Variants in DBX1 observed in about 807,000 individuals in gnomAD.
The protein encoded by DBX1 is developing brain homeobox 1, also known as homeobox protein DBX1.
DBX1 carries 10 observed loss-of-function variants against 20.8 expected under a neutral mutation model. That is an observed-to-expected ratio of 0.48 (90% CI 0.30 to 0.82). The LOEUF (loss-of-function observed/expected upper bound fraction) is 0.82. Ranked by LOEUF, DBX1 falls within the 40% of genes least tolerant of loss-of-function variation. The pLI is 0.07. For synonymous variants in DBX1, 241 were observed against 213.9 expected (o/e 1.13, Z -1.11); for missense variants, 505 against 468.8 (o/e 1.08, Z -0.71).
chr11:20,160,308 A>T lies in DBX1; in HGVS notation c.17T>A (p.Leu6His), dbSNP rs1375456065. Residue 6 changes from leucine (L) to histidine (H), a missense_variant, in exon 1 of 4, where the codon CTC becomes CAC. Coordinates refer to ENST00000524983, the MANE Select transcript of DBX1 (RefSeq NM_001029865.4). Reference protein sequence around the residue: MMFPGLLAPPAGYPSL... With the variant: MMFPGHLAPPAGYPSL... ...AGGGTACCCGGCGGGGGGCGCGAGG[A>T]GGCCGGGGAACATCATGGTAGGCGC... 1 of 1,521,224 alleles carries T rather than the reference A, an allele frequency of 6.6e-7. No individual in the cohort carries two copies. Among genetic ancestry groups the T allele is most frequent in the Non-Finnish European group, 8.8e-7 (1 of 1,136,050 alleles). The allele number at this position is 1,521,224 out of a possible 1,614,324, so 94.2% of individuals were successfully genotyped here.
At position 20,157,073 on chromosome 11, in the gene DBX1, C is replaced by T. The variant is rs575803112; in HGVS notation, c.636G>A (p.Lys212=). Residue 212 remains lysine, a synonymous_variant, in exon 3 of 4, where the codon AAG becomes AAA. Transcript: ENST00000524983. ...TCAGGCCCAGCTTGGCCGCCAGCTTCTTGCGGTCGGGCTTGCTGATGTACT... is the reference window on the plus strand; with the variant it reads ...TCAGGCCCAGCTTGGCCGCCAGCTTTTTGCGGTCGGGCTTGCTGATGTACT... ...KQKYISKPDR[K]KLAAKLGLKD... 1 of 1,614,058 alleles carries T rather than the reference C, an allele frequency of 6.2e-7. No individual in the cohort carries two copies. The highest frequency in any genetic ancestry group is 8.5e-7 in the Non-Finnish European group (1 of 1,180,006).
rs988849562 is a variant in DBX1, at chr11:20,157,031, G to T, written c.672+6C>A. The stretch of plus-strand genomic sequence containing the variant: ...GGGGGGGGTGCTGTGGAGGAAATGC[G>T]CTCACCTGCGAGTCTTTCAGGCCCA... On this transcript the variant is annotated splice_donor_region_variant and intron_variant, in intron 3 of 3. Transcript: ENST00000524983. 2 of 1,613,310 alleles carry T rather than the reference G, an allele frequency of 1.2e-6. No homozygotes were observed. Among genetic ancestry groups the T allele is most frequent in the Non-Finnish European group, 1.7e-6 (2 of 1,179,890 alleles).
rs143300593 is a variant in DBX1, at chr11:20,157,181, C to A, written c.528G>T (p.Gly176=). 4.7e-5 allele frequency: 76 copies of A among 1,605,876 alleles called. No homozygotes were observed. The African/African-American group carries it at 8.1e-4, about 17-fold the overall frequency. The change falls in exon 3 of 4, where the codon GGG becomes GGT. Residue 176 remains glycine, a synonymous_variant. Transcript: ENST00000524983. ...GTFSWPLAAR[G]KPRRGMLRRA... is the part of the protein sequence containing the mutation. ...GACGCAGCATGCCCCGCCGAGGCTT[C>A]CCGCGCGCGGCCAGCGGCCAGGAGA...
rs970156251 is a variant in DBX1, at chr11:20,156,788, G to C, written c.673-215C>G. 8.4e-5 allele frequency: 71 copies of C among 847,090 alleles called. No individual in the cohort carries two copies. The highest frequency in any genetic ancestry group is 1.2e-4 in the Non-Finnish European group (63 of 532,466). The allele number at this position is 847,090 out of a possible 1,614,324, so 52.5% of individuals were successfully genotyped here. ...CGTTTGCCTCATCCGCTGCCACCCT[G>C]CCCCGAAGGGCGGGGTTGGGGGCCG... On this transcript the variant is annotated intron_variant, in intron 3 of 3. Transcript: ENST00000524983. The surrounding 1 kb of genome is among the most constrained non-coding windows in gnomAD (Gnocchi z 4.8).
chr11:20,159,853 A>T, intron 1 of DBX1, 105 bp downstream of exon 1: 1 of 1,495,632 alleles, frequency 6.7e-7, no homozygotes, highest in South Asian at 1.2e-5. Context: ...TTGTGTGTGC[A>T]CCGATGTGTG....
chr11:20,156,625 G>A lies in DBX1; in HGVS notation c.673-52C>T, dbSNP rs749248162. 7.4e-6 allele frequency: 12 copies of A among 1,613,234 alleles called. No individual in the cohort carries two copies. Among genetic ancestry groups the A allele is most frequent in the Middle Eastern group, 1.6e-4 (1 of 6,078 alleles). On this transcript the variant is annotated intron_variant, in intron 3 of 3. Transcript: ENST00000524983. The surrounding 1 kb of genome is among the most constrained non-coding windows in gnomAD (Gnocchi z 4.8). ...AGGGAGAAGCAGAGGTCAGATCAGG[G>A]GCTCCGGGGGACGCACGGGGGCGGG...
rs1178523587 is a variant in DBX1 at position 20,160,177 on chromosome 11, G to T, written c.148C>A (p.Pro50Thr). ...ACGCTGCGGGGCAGGTAGGCGGGGG[G>T]TCGGCTGATGCGGATCAGATCCTCC... Reference protein sequence around the residue: ...LVEDLIRISRPPAYLPRSVPT... With the variant: ...LVEDLIRISRTPAYLPRSVPT... The change falls in exon 1 of 4, where the codon CCC becomes ACC. Residue 50 changes from proline (P) to threonine (T), a missense_variant. Physicochemically the swap from Pro to Thr is conservative, Grantham distance 38. Coordinates refer to ENST00000524983, the MANE Select transcript of DBX1 (RefSeq NM_001029865.4). 5.8e-6 allele frequency: 9 copies of T among 1,547,786 alleles called. No individual in the cohort carries two copies. The South Asian group carries it at 6.0e-5, about 10-fold the overall frequency.
At chr11:20,157,271 G>T (rs1465190866) in intron 2 of DBX1, 32 bp from the exon 3 acceptor site, 8 of 1,526,794 alleles carry the variant, frequency 5.2e-6, no homozygotes, top group Non-Finnish European at 7.0e-6. Context: ...CGAGTGAGTG[G>T]GCGTACGCCC....
At chr11:20,157,355 C>T (rs1190413667) in intron 2 of DBX1, 116 bp from the exon 3 acceptor site, 13 of 958,958 alleles carry the variant, frequency 1.4e-5, no homozygotes, top group Non-Finnish European at 1.8e-5. Flanking sequence ...CTTTTTCTCC[C>T]CCTGGAGAAT....
At position 20,159,176 on chromosome 11, in the gene DBX1, G is replaced by T; in HGVS notation, c.469+15C>A. The T allele has an allele frequency of 1.9e-6, 3 of 1,587,522 alleles. No homozygotes were observed. Among genetic ancestry groups the T allele is most frequent in the Non-Finnish European group, 2.6e-6 (3 of 1,156,462 alleles). ...CGCCGCCCTGCCTCGCGCAAAGAAG[G>T]GGGACGAGACCTACCTGGGAAATAA... is the stretch of plus-strand genomic sequence containing the variant. On this transcript the variant is annotated intron_variant, in intron 2 of 3. Transcript: ENST00000524983.
At position 20,156,501 on chromosome 11, in the gene DBX1, C is replaced by T; in HGVS notation, c.745G>A (p.Gly249Ser). The change falls in exon 4 of 4, where the codon GGC becomes AGC. Residue 249 changes from glycine to serine, a missense_variant. Transcript: ENST00000524983. This position sits in a 1 kb window ranked among gnomAD's most constrained non-coding sequence, Gnocchi z 4.8. The stretch of plus-strand genomic sequence containing the variant: ...GTGGGCAGGGTCTGCTCGCGACAGC[C>T]CCCGCTAGACAGGAGTTCGCGCTCC... Reference protein sequence around the residue: ...SKERELLSSGGCREQTLPTKL... With the variant: ...SKERELLSSGSCREQTLPTKL... The T allele has an allele frequency of 6.2e-7, 1 of 1,613,974 alleles. No homozygotes were observed.
chr11:20,156,592 C>A lies in DBX1; in HGVS notation c.673-19G>T. 6.2e-7 allele frequency: 1 copy of A among 1,613,874 alleles called. No homozygotes were observed. The highest frequency in any genetic ancestry group is 8.5e-7 in the Non-Finnish European group (1 of 1,179,998). On this transcript the variant is annotated intron_variant, in intron 3 of 3. Coordinates refer to ENST00000524983, the MANE Select transcript of DBX1 (RefSeq NM_001029865.4). This position sits in a 1 kb window ranked among gnomAD's most constrained non-coding sequence, Gnocchi z 4.8. Reference sequence around the variant, plus strand: ...TTTTCACCTGGAATGTCCCGGCCGGCGAGAAGAAGGGAGAAGCAGAGGTCA... The same window carrying A: ...TTTTCACCTGGAATGTCCCGGCCGGAGAGAAGAAGGGAGAAGCAGAGGTCA...
chr11:20,160,300 G>A lies in DBX1; in HGVS notation c.25C>T (p.Pro9Ser), dbSNP rs1186511937. The A allele has an allele frequency of 7.9e-6, 12 of 1,526,188 alleles. No homozygotes were observed. Among genetic ancestry groups the A allele is most frequent in the Non-Finnish European group, 1.1e-5 (12 of 1,138,640 alleles). 94.5% of individuals were successfully genotyped at this position (1,526,188 alleles called of 1,614,324 possible). A position where few individuals can be genotyped will look rare whatever the true frequency, so the allele number is the denominator to read the frequency against. The change falls in exon 1 of 4, where the codon CCC becomes TCC. Residue 9 changes from proline (P) to serine (S), a missense_variant. Pro to Ser is a moderately conservative substitution (Grantham distance 74). Coordinates refer to ENST00000524983, the MANE Select transcript of DBX1 (RefSeq NM_001029865.4). ...AGGAGGCTAGGGTACCCGGCGGGGG[G>A]CGCGAGGAGGCCGGGGAACATCATG... Reference protein sequence around the residue: MMFPGLLAPPAGYPSLLRP... With the variant: MMFPGLLASPAGYPSLLRP...
At chr11:20,158,948 C>A (rs2063674238) in intron 2 of DBX1, among the ~76,000 whole-genome samples, 1 of 152,074 alleles carries the variant, frequency 6.6e-6, no homozygotes, top group Non-Finnish European at 1.5e-5. Flanking sequence ...CAAATTGGGA[C>A]CATGACAATT....
At position 20,156,282 on chromosome 11, in the gene DBX1, G is replaced by C; in HGVS notation, c.964C>G (p.Pro322Ala). The change falls in exon 4 of 4, where the codon CCT becomes GCT. Residue 322 changes from proline (P) to alanine (A), a missense_variant. By Grantham distance (27) the Pro-to-Ala change is conservative (BLOSUM62 -1). Transcript: ENST00000524983. This position sits in a 1 kb window ranked among gnomAD's most constrained non-coding sequence, Gnocchi z 4.8. ...TCCTCGGAATCTGAGAAGTCCGAAG[G>C]TTTCCCGGGACTGCTCGAGTGCGCG... ...SPAHSSSPGK[P>A]SDFSDSEEEE... 1 of 1,531,678 alleles carries C rather than the reference G, an allele frequency of 6.5e-7. No individual in the cohort carries two copies. Among genetic ancestry groups the C allele is most frequent in the Non-Finnish European group, 8.8e-7 (1 of 1,142,022 alleles). 94.9% of individuals were successfully genotyped at this position (1,531,678 alleles called of 1,614,324 possible).
Position 20,160,331 on chromosome 11 carries a change from C to CGCGG in DBX1, c.-11_-8dup. ...GGAGGCCGGGGAACATCATGGTAGG[C>CGCGG]GCGGGCGGGCGAAATAACCCTTCTT... is the stretch of plus-strand genomic sequence containing the variant. On this transcript the variant is annotated 5_prime_UTR_variant, in exon 1 of 4. Transcript: ENST00000524983. 6.7e-7 allele frequency: 1 copy of CGCGG among 1,494,514 alleles called. No homozygotes were observed. The highest frequency in any genetic ancestry group is 8.9e-7 in the Non-Finnish European group (1 of 1,124,724). 92.6% of individuals were successfully genotyped at this position (1,494,514 alleles called of 1,614,324 possible).
rs373724868 is a variant in DBX1, at chr11:20,156,584, C to T, written c.673-11G>A. 4 of 1,613,948 alleles carry T rather than the reference C, an allele frequency of 2.5e-6. No individual in the cohort carries two copies. Among genetic ancestry groups the T allele is most frequent in the Non-Finnish European group, 3.4e-6 (4 of 1,180,006 alleles). ...GAACCAGATTTTCACCTGGAATGTC[C>T]CGGCCGGCGAGAAGAAGGGAGAAGC... On this transcript the variant is annotated splice_polypyrimidine_tract_variant and intron_variant, in intron 3 of 3. Coordinates refer to ENST00000524983, the MANE Select transcript of DBX1 (RefSeq NM_001029865.4). The surrounding 1 kb of genome is among the most constrained non-coding windows in gnomAD (Gnocchi z 4.8).
rs768596331 is a variant in DBX1 at position 20,157,022 on chromosome 11, A to C, written c.672+15T>G. 2.6e-5 allele frequency: 42 copies of C among 1,612,494 alleles called. No individual in the cohort carries two copies. Among genetic ancestry groups the C allele is most frequent in the Non-Finnish European group, 3.1e-5 (37 of 1,179,654 alleles). On this transcript the variant is annotated intron_variant, in intron 3 of 3. Coordinates refer to ENST00000524983, the MANE Select transcript of DBX1 (RefSeq NM_001029865.4). ...GGCGGGGGCGGGGGGGGTGCTGTGG[A>C]GGAAATGCGCTCACCTGCGAGTCTT...
intron 2 of DBX1, among the ~76,000 whole-genome samples, chr11:20,158,718 C>T (rs1409314077): frequency 6.6e-6 from 1 of 151,986 alleles, no homozygotes. Context: ...AAGCCCGAAG[C>T]CCTGAATGAG....
Sources: gnomAD v4.1 joint callset for allele counts (sites outside exome capture counted in the v4.1 genomes callset) on GRCh38, gnomAD v4.1.1 for gene constraint, Gnocchi (gnomAD v3.1) non-coding constraint, MANE v1.5 for transcripts, NCBI Gene and HGNC (gene_info 2026-07-23, HGNC 2026-07-21) for gene names.